The following ADA2 variants were observed in gnomAD, a reference collection of about 807,000 sequenced individuals.
ADA2 encodes adenosine deaminase CECR1.
A neutral mutation model predicts 44.2 loss-of-function variants in ADA2; 29 were observed. The observed-to-expected ratio is 0.66, with a 90% CI of 0.49 to 0.89. The LOEUF (loss-of-function observed/expected upper bound fraction) is 0.89, where lower values mean the gene tolerates loss of function less well. Among genes scored for constraint, ADA2 ranks in the 40% least tolerant of loss-of-function variants. The pLI, the probability that ADA2 is intolerant of heterozygous loss-of-function variation, is 0.00. For synonymous variants in ADA2, 215 were observed against 234.9 expected, an observed-to-expected ratio of 0.92 and a Z score of 0.77; for missense variants, 637 against 644.8, an observed-to-expected ratio of 0.99 and a Z score of 0.13.
intron 3 of ADA2, among the ~76,000 whole-genome samples, chr22:17,205,727 C>T (rs150948753): frequency 4.7e-4 from 72 of 152,314 alleles, no homozygotes; most frequent in African/African-American, 1.7e-3. Context: ...GCCTGTAGTC[C>T]TAGCACTTTG....
rs369042619 is a variant in ADA2, at chr22:17,203,648, A to G, written c.668T>C (p.Val223Ala). 3.7e-6 allele frequency: 6 copies of G among 1,614,040 alleles called. No homozygotes were observed. The highest frequency in any genetic ancestry group is 5.1e-6 in the Non-Finnish European group (6 of 1,179,924). ...GCTCCGGAAGACATAGTCTCTGAAC[A>G]CTGGTGCGTAATGGATGAGACCAGA... is the stretch of plus-strand genomic sequence containing the variant. The part of the protein sequence containing the change: ...TISGLIHYAP[V>A]FRDYVFRSMQ... Residue 223 changes from valine (V) to alanine (A), a missense_variant, in exon 4 of 10, where the codon GTG becomes GCG. Coordinates refer to ENST00000399837, the MANE Select transcript of ADA2 (RefSeq NM_001282225.2).
chr22:17,191,653 C>A (rs774865478), intron 5 of ADA2, 30 bp downstream of exon 5: 1 of 1,604,768 alleles, frequency 6.2e-7, no homozygotes, highest in Non-Finnish European at 8.5e-7. Context: ...AGCCTCCCAA[C>A]CCGAGCTTTT....
At chr22:17,182,496 G>C in intron 8 of ADA2, 108 bp downstream of exon 8, 1 of 1,119,114 alleles carries the variant, frequency 8.9e-7, no homozygotes, top group South Asian at 1.4e-5. Flanking sequence ...GAGGGATGTA[G>C]GTAACAAGAG....
At chr22:17,192,829 GA>G (rs35262317) in intron 4 of ADA2, 142,360 of 301,644 alleles carry the variant, frequency 0.47, 26,594 homozygotes, top group African/African-American at 0.54. Flanking sequence ...ACTCTGTCTC[GA>G]AAAAAAAAAA....
At chr22:17,206,595 A>G (rs1265456890) in intron 3 of ADA2, among the ~76,000 whole-genome samples, 1 of 152,182 alleles carries the variant, frequency 6.6e-6, no homozygotes, top group African/African-American at 2.4e-5. Flanking sequence ...AAGGTGTTGA[A>G]TGCTTTTGTG....
Position 17,189,957 on chromosome 22 carries a change from C to T in ADA2, c.957G>A (p.Val319=). Residue 319 remains valine, a synonymous_variant, in exon 6 of 10, where the codon GTG becomes GTA. Coordinates refer to ENST00000399837, the MANE Select transcript of ADA2 (RefSeq NM_001282225.2). ...CATGGGTTACCAGGTCAAACCCTGC[C>T]ACCACCGTGGGGAACTTGATTCGGA... ...MGLRIKFPTV[V]AGFDLVGHED... 6.2e-7 allele frequency: 1 copy of T among 1,613,492 alleles called. No individual in the cohort carries two copies. The highest frequency in any genetic ancestry group is 8.5e-7 in the Non-Finnish European group (1 of 1,179,444).
chr22:17,185,287 G>A (rs1038230626), intron 7 of ADA2, among the ~76,000 whole-genome samples: 6 of 151,456 alleles, frequency 4.0e-5, no homozygotes, highest in Middle Eastern at 3.4e-3. Context: ...GGTGGCAGGC[G>A]CCCGAGTAGT....
intron 3 of ADA2, among the ~76,000 whole-genome samples, chr22:17,206,848 G>A (rs1174346191): frequency 6.6e-6 from 1 of 152,168 alleles, no homozygotes; most frequent in Non-Finnish European, 1.5e-5. Flanking sequence ...GGTAGAGATG[G>A]GCTTTCACCA....
At chr22:17,196,466 G>A (rs1228032756) in intron 4 of ADA2, among the ~76,000 whole-genome samples, 3 of 152,154 alleles carry the variant, frequency 2.0e-5, no homozygotes, top group South Asian at 4.2e-4. Context: ...CCAGAAAGTT[G>A]GAGAACCACT....
chr22:17,216,447 A>C (rs2062472765), intron 1 of ADA2, among the ~76,000 whole-genome samples: 1 of 152,026 alleles, frequency 6.6e-6, no homozygotes, highest in South Asian at 2.1e-4. Context: ...GGGTGACTAT[A>C]CTTAGCAATA....
intron 4 of ADA2, among the ~76,000 whole-genome samples, chr22:17,198,121 T>A (rs2123682007): frequency 6.7e-6 from 1 of 150,206 alleles, no homozygotes; most frequent in Non-Finnish European, 1.5e-5. Flanking sequence ...ATTTCAGAAT[T>A]TTGCTTGCCC....
At chr22:17,216,055 CGT>C (rs2062468071) in intron 1 of ADA2, among the ~76,000 whole-genome samples, 1 of 151,624 alleles carries the variant, frequency 6.6e-6, no homozygotes, top group African/African-American at 2.4e-5. Flanking sequence ...GGCGTGGTGG[CGT>C]GCACCTGTAA....
At chr22:17,189,759 C>A (rs1338882813) in intron 6 of ADA2, 183 bp downstream of exon 6, 36 of 566,944 alleles carry the variant, frequency 6.3e-5, no homozygotes, top group Non-Finnish European at 1.1e-4. Context: ...CTGTAGGCCT[C>A]TGAAGAGGGT....
At chr22:17,205,744 C>T (rs116422587) in intron 3 of ADA2, among the ~76,000 whole-genome samples, 1,737 of 152,274 alleles carry the variant, frequency 0.011, 32 homozygotes, top group African/African-American at 0.039. Flanking sequence ...TTTGGGAGGC[C>T]AAGGTGAGAG....
intron 7 of ADA2, among the ~76,000 whole-genome samples, chr22:17,185,162 CA>C: frequency 6.6e-6 from 1 of 151,398 alleles, no homozygotes; most frequent in South Asian, 2.1e-4. Context: ...CCTGTAATCC[CA>C]CCACTTTGGG....
intron 7 of ADA2, among the ~76,000 whole-genome samples, chr22:17,184,759 T>A (rs2062015732): frequency 6.7e-6 from 1 of 150,192 alleles, no homozygotes; most frequent in East Asian, 2.0e-4. Context: ...AGACACCCTG[T>A]CTCTACAAAA....
chr22:17,195,159 C>T (rs780517628), intron 4 of ADA2, among the ~76,000 whole-genome samples: 32 of 152,168 alleles, frequency 2.1e-4, no homozygotes, highest in Non-Finnish European at 3.8e-4. Context: ...GGAATATAAG[C>T]CCTCACTCTA....
Position 17,182,771 on chromosome 22 carries a change from C to G in ADA2, c.1082-10G>C. 1 of 1,612,116 alleles carries G rather than the reference C, an allele frequency of 6.2e-7. No homozygotes were observed. The highest frequency in any genetic ancestry group is 2.2e-5 in the East Asian group (1 of 44,858). On this transcript the variant is annotated splice_polypyrimidine_tract_variant and intron_variant, in intron 7 of 9. Coordinates refer to ENST00000399837, the MANE Select transcript of ADA2 (RefSeq NM_001282225.2). ...GAAGTACCCTGCCAGTCTGAACACA[C>G]GGGAATGGTCTTCCATGGGGGATGG...
intron 4 of ADA2, among the ~76,000 whole-genome samples, chr22:17,203,162 A>T (rs1334703454): frequency 6.6e-6 from 1 of 152,060 alleles, no homozygotes; most frequent in African/African-American, 2.4e-5. Context: ...TAATTTCCAA[A>T]TCCCATGGAC....
Sources: allele counts gnomAD v4.1 joint callset (sites outside exome capture counted in the v4.1 genomes callset), GRCh38; gene constraint gnomAD v4.1.1; transcripts MANE v1.5; gene names NCBI Gene and HGNC (gene_info 2026-07-23, HGNC 2026-07-21).